DAB1: variants seen among roughly 807,000 people sequenced by gnomAD.
The protein encoded by DAB1 is disabled homolog 1.
A neutral mutation model predicts 64.6 loss-of-function variants in DAB1; 15 were observed. The ratio of observed to expected loss-of-function variants is 0.23; its 90% CI spans 0.16 to 0.36. The LOEUF is 0.36. Among genes scored for constraint, DAB1 ranks in the 10% least tolerant of loss-of-function variants. The probability of loss-of-function intolerance (pLI) is 1.00; values close to 1 mark genes in which losing one functional copy is unlikely to be tolerated. For missense variants in DAB1, 596 were observed against 706.7 expected (o/e 0.84, Z 1.78); for synonymous variants, 235 against 251.9 (o/e 0.93, Z 0.64).
At chr1:57,711,553 GA>G (rs1157308359) in intron 6 of DAB1, among the ~76,000 whole-genome samples, 1 of 152,220 alleles carries the variant, frequency 6.6e-6, no homozygotes, top group Non-Finnish European at 1.5e-5. Flanking sequence ...AGGCTTGCAT[GA>G]CAAGCATGTT....
chr1:57,782,254 T>C (rs534045376), intron 6 of DAB1, among the ~76,000 whole-genome samples: 1 of 152,258 alleles, frequency 6.6e-6, no homozygotes, highest in South Asian at 2.1e-4. Flanking sequence ...AAAATCCAAA[T>C]CATTAAGTTC....
intron 6 of DAB1, among the ~76,000 whole-genome samples, chr1:57,791,810 G>T (rs1650613942): frequency 6.6e-6 from 1 of 152,136 alleles, no homozygotes; most frequent in African/African-American, 2.4e-5. Flanking sequence ...TTTGGAATGT[G>T]CCTTTTCAGA....
chr1:58,266,184 C>T (rs1661156585), intron 4 of DAB1, among the ~76,000 whole-genome samples: 1 of 152,202 alleles, frequency 6.6e-6, no homozygotes, highest in South Asian at 2.1e-4. Context: ...GAGCTCCATG[C>T]TAGTCTGATG....
chr1:58,070,280 C>T (rs559635339), intron 5 of DAB1, among the ~76,000 whole-genome samples: 34 of 152,168 alleles, frequency 2.2e-4, no homozygotes, highest in South Asian at 4.1e-4. Flanking sequence ...AATATTGGTT[C>T]AGAAAGAAGG....
chr1:58,415,731 C>T (rs41286868), intron 3 of DAB1, among the ~76,000 whole-genome samples: 5,099 of 152,300 alleles, frequency 0.033, 107 homozygotes, highest in African/African-American at 0.063. Flanking sequence ...GATCACAGCA[C>T]TGAACATAGC....
chr1:57,323,837 G>T (rs1675929448), intron 1 of DAB1, among the ~76,000 whole-genome samples: 1 of 152,010 alleles, frequency 6.6e-6, no homozygotes, highest in African/African-American at 2.4e-5. Context: ...GTGGCGAAAT[G>T]TTACCAAGGG....
chr1:57,072,966 C>T (rs1424441022), intron 4 of DAB1, among the ~76,000 whole-genome samples: 1 of 152,176 alleles, frequency 6.6e-6, no homozygotes, highest in African/African-American at 2.4e-5. Context: ...AGAGGCGGGG[C>T]TATGCATATC....
chr1:58,141,710 G>A (rs181724126), intron 5 of DAB1, among the ~76,000 whole-genome samples: 15 of 152,136 alleles, frequency 9.9e-5, no homozygotes, highest in African/African-American at 2.2e-4. Flanking sequence ...CCCAAACTAC[G>A]TCATTTCCCA....
At chr1:57,989,511 C>A (rs1218395621) in intron 5 of DAB1, among the ~76,000 whole-genome samples, 1 of 152,132 alleles carries the variant, frequency 6.6e-6, no homozygotes, top group Non-Finnish European at 1.5e-5. Flanking sequence ...TTCTTCCCAC[C>A]CCATGAAGAT....
chr1:57,878,853 A>T (rs1280362649), intron 1 of DAB1: 4 of 152,100 alleles, frequency 2.6e-5, no homozygotes, highest in Admixed American at 2.6e-4. Context: ...AGCCGCTAGT[A>T]ACCACAGTTC....
intron 2 of DAB1, among the ~76,000 whole-genome samples, chr1:57,200,126 C>A (rs1316794080): frequency 2.0e-5 from 3 of 152,138 alleles, no homozygotes; most frequent in African/African-American, 7.2e-5. Context: ...TATACTGTCC[C>A]CTCACTGGTC....
rs577287387 is a variant in DAB1 at position 57,664,744 on chromosome 1, A to G, written n.552-15079T>C. Among the ~76,000 whole-genome samples, 11 of 152,216 alleles carry G rather than the reference A, an allele frequency of 7.2e-5. No homozygotes were observed. In the South Asian group the frequency reaches 2.3e-3, roughly 32 times the overall value. On this transcript the variant is annotated intron_variant and non_coding_transcript_variant, in intron 6 of 20. Transcript: ENST00000485760. ...GGTCTGGATAAATAAATTTGTATCT[A>G]TAATATAAAGCCATTAAGTGATAAT...
intron 4 of DAB1, among the ~76,000 whole-genome samples, chr1:58,212,315 A>C (rs1168855697): frequency 6.6e-6 from 1 of 152,196 alleles, no homozygotes; most frequent in Non-Finnish European, 1.5e-5. Flanking sequence ...TGATCCTGTG[A>C]TGTAGGCATG....
chr1:58,432,982 G>A (rs1644896136), intron 3 of DAB1, among the ~76,000 whole-genome samples: 2 of 152,202 alleles, frequency 1.3e-5, no homozygotes, highest in Non-Finnish European at 2.9e-5. Flanking sequence ...TGCCTCCCAG[G>A]CATTCCTCTT....
In DAB1 at chr1:57,407,469, A is replaced by C. The variant is rs575514899; in HGVS notation, c.-137+16461T>G. 6.6e-5 allele frequency among the ~76,000 whole-genome samples: 10 copies of C among 152,364 alleles called. No individual in the cohort carries two copies. In the East Asian group the frequency reaches 1.5e-3, roughly 23 times the overall value. ...AGGGAAGAGCGGTGTGACTTTGTGC[A>C]ATGCATTTCACTGTCTGAAGATAAA... On this transcript the variant is annotated intron_variant, in intron 1 of 14. Transcript: ENST00000371236.
At chr1:57,915,983 C>G (rs1017896740) in intron 5 of DAB1, among the ~76,000 whole-genome samples, 1 of 152,198 alleles carries the variant, frequency 6.6e-6, no homozygotes, top group African/African-American at 2.4e-5. Context: ...AACTCCACTT[C>G]GTTGTTGGTT....
intron 3 of DAB1, among the ~76,000 whole-genome samples, chr1:58,501,566 C>T (rs1419878075): frequency 6.6e-6 from 1 of 152,174 alleles, no homozygotes; most frequent in Non-Finnish European, 1.5e-5. Context: ...GTTGCTCCTG[C>T]CCCACAGCCT....
intron 1 of DAB1, among the ~76,000 whole-genome samples, chr1:58,540,625 A>G (rs1181812767): frequency 1.3e-5 from 2 of 150,484 alleles, no homozygotes; most frequent in Non-Finnish European, 2.9e-5. Flanking sequence ...GACTAACAGC[A>G]GATTAACATT....
At chr1:57,999,252 A>G (rs992183556) in intron 5 of DAB1, among the ~76,000 whole-genome samples, 1 of 152,170 alleles carries the variant, frequency 6.6e-6, no homozygotes, top group Non-Finnish European at 1.5e-5. Context: ...TATGAACTGT[A>G]CAGTTTGGTG....
Sources: gnomAD v4.1 joint callset for allele counts (sites outside exome capture counted in the v4.1 genomes callset) on GRCh38, gnomAD v4.1.1 for gene constraint, MANE v1.5 for transcripts, NCBI Gene and HGNC (gene_info 2026-07-23, HGNC 2026-07-21) for gene names.